Variants in MICAL3 observed in about 807,000 individuals in gnomAD.
The protein encoded by MICAL3 is [F-actin]-monooxygenase MICAL3.
MICAL3 carries 62 observed loss-of-function variants against 207.4 expected under a neutral mutation model. The observed-to-expected ratio is 0.30, with a 90% CI of 0.24 to 0.37. The LOEUF is 0.37. MICAL3 is among the 10% of genes least tolerant of loss of function. The probability of loss-of-function intolerance (pLI) is 1.00; values close to 1 mark genes in which losing one functional copy is unlikely to be tolerated. For synonymous variants in MICAL3, 1,077 were observed against 1,069.3 expected (o/e 1.01, Z -0.14); for missense variants, 2,368 against 2,635.6 (o/e 0.90, Z 2.22).
chr22:17,966,692 T>C lies in MICAL3; in HGVS notation c.-75+57589A>G, dbSNP rs561068328. On this transcript the variant is annotated intron_variant, in intron 1 of 31. Transcript: ENST00000441493. The stretch of plus-strand genomic sequence containing the variant: ...TAAAGACAGTACCAACTGTCTAGGG[T>C]ATTTCTAGGAAGTAAACGACAGAAT... Among the ~76,000 whole-genome samples, 3 of 152,250 alleles carry C rather than the reference T, an allele frequency of 2.0e-5. No individual in the cohort carries two copies. In the East Asian group the frequency reaches 5.8e-4, roughly 29 times the overall value.
intron 1 of MICAL3, among the ~76,000 whole-genome samples, chr22:17,958,425 G>A (rs568548822): frequency 1.0e-3 from 159 of 152,302 alleles, no homozygotes; most frequent in Non-Finnish European, 1.9e-3. Flanking sequence ...TGGGGTCACA[G>A]CTCAGCTCTG....
intron 27 of MICAL3, chr22:17,815,556 T>G (rs1005048717): frequency 1.1e-4 from 17 of 152,330 alleles, no homozygotes; most frequent in African/African-American, 4.1e-4. Context: ...GAAGCCTTGA[T>G]GAAGGCACAC....
chr22:17,979,050 T>C (rs1298404053), intron 1 of MICAL3, among the ~76,000 whole-genome samples: 2 of 150,434 alleles, frequency 1.3e-5, no homozygotes, highest in Admixed American at 6.6e-5. Context: ...GTGGTACACT[T>C]GTGGTCCCAG....
At chr22:17,879,245 AG>A in intron 16 of MICAL3, 1 of 964,100 alleles carries the variant, frequency 1.0e-6, no homozygotes, top group Non-Finnish European at 1.5e-6. Context: ...AAGCAAGGGG[AG>A]GGGGCCGTCC....
intron 1 of MICAL3, among the ~76,000 whole-genome samples, chr22:18,003,748 G>T (rs5992963): frequency 1.3e-5 from 2 of 151,744 alleles, no homozygotes; most frequent in African/African-American, 4.8e-5. Flanking sequence ...TTCCAATCAC[G>T]CAGGGAGTCT....
At position 17,900,562 on chromosome 22, in the gene MICAL3, A is replaced by G. The variant is rs1931236298; in HGVS notation, c.847+280T>C. On this transcript the variant is annotated intron_variant, in intron 6 of 31. Transcript: ENST00000441493. The surrounding 1 kb of genome is among the most constrained non-coding windows in gnomAD (Gnocchi z 4.0). Reference sequence around the variant, plus strand: ...GGCTGCAGTGAGCCGAGATCACGCCACTGAACTCCAGCCTGGGCAACAGAG... The same window carrying G: ...GGCTGCAGTGAGCCGAGATCACGCCGCTGAACTCCAGCCTGGGCAACAGAG... Among the ~76,000 whole-genome samples the G allele has an allele frequency of 6.6e-6, 1 of 152,224 alleles. No homozygotes were observed.
intron 25 of MICAL3, among the ~76,000 whole-genome samples, chr22:17,819,767 G>A (rs533131101): frequency 9.2e-5 from 14 of 151,526 alleles, no homozygotes; most frequent in African/African-American, 2.7e-4. Context: ...GTGAAATCCC[G>A]TCTCTACTAA....
chr22:17,898,497 C>T (rs898231314), intron 7 of MICAL3, among the ~76,000 whole-genome samples: 6 of 152,208 alleles, frequency 3.9e-5, no homozygotes, highest in Admixed American at 6.5e-5. Flanking sequence ...GCTCACTCCC[C>T]GCTCTGCTGT....
At chr22:17,875,631 G>T in intron 16 of MICAL3, 2 of 657,446 alleles carry the variant, frequency 3.0e-6, no homozygotes, top group Non-Finnish European at 4.8e-6. Flanking sequence ...CTGAACATAA[G>T]ATGGTTGTAG....
At chr22:17,947,626 T>C (rs187968702) in intron 1 of MICAL3, among the ~76,000 whole-genome samples, 14 of 152,374 alleles carry the variant, frequency 9.2e-5, no homozygotes, top group African/African-American at 7.2e-5. Context: ...GGTGCCATCA[T>C]AGCTCACTGT....
At chr22:17,877,625 A>G (rs1476322939) in intron 16 of MICAL3, among the ~76,000 whole-genome samples, 1 of 150,510 alleles carries the variant, frequency 6.6e-6, no homozygotes, top group East Asian at 1.9e-4. Context: ...GCAGAGTCCA[A>G]GAAAAGAACT....
At chr22:18,006,590 T>C (rs1226971877) in intron 1 of MICAL3, 1 of 152,150 alleles carries the variant, frequency 6.6e-6, no homozygotes, top group African/African-American at 2.4e-5. Context: ...TCTCAGCAGT[T>C]TGGGAGGTCG....
At chr22:17,922,351 T>C (rs1932820716) in intron 1 of MICAL3, among the ~76,000 whole-genome samples, 1 of 152,160 alleles carries the variant, frequency 6.6e-6, no homozygotes, top group Non-Finnish European at 1.5e-5. Flanking sequence ...GTCACAGAAC[T>C]ACACAAAAGG....
intron 1 of MICAL3, among the ~76,000 whole-genome samples, chr22:17,927,994 T>C (rs1350575062): frequency 6.6e-6 from 1 of 152,160 alleles, no homozygotes; most frequent in Non-Finnish European, 1.5e-5. Context: ...AATTAAAGGT[T>C]TGGCTTCTGA....
At chr22:17,807,697 C>T (rs2062002167) in intron 29 of MICAL3, among the ~76,000 whole-genome samples, 1 of 152,172 alleles carries the variant, frequency 6.6e-6, no homozygotes, top group African/African-American at 2.4e-5. Context: ...AACTTCAGTC[C>T]TACAGGCCAC....
At chr22:17,806,120 AG>A (rs1160383591) in intron 29 of MICAL3, among the ~76,000 whole-genome samples, 4 of 152,240 alleles carry the variant, frequency 2.6e-5, no homozygotes, top group Non-Finnish European at 5.9e-5. Flanking sequence ...TGGAGCCCTC[AG>A]GATCAAGTTT....
chr22:17,860,505 T>C, intron 19 of MICAL3: 3 of 985,484 alleles, frequency 3.0e-6, no homozygotes, highest in Non-Finnish European at 3.6e-6. Flanking sequence ...GTGAACCCCT[T>C]GGTGCCCTGC....
intron 15 of MICAL3, among the ~76,000 whole-genome samples, 164 bp downstream of exon 15, chr22:17,886,988 CAAAAAAAAAAAAAAAAAA>C (rs55999508): frequency 1.9e-4 from 8 of 41,350 alleles, no homozygotes; most frequent in South Asian, 2.6e-3. Context: ...ACTCTTGTCT[CAAAAAAAAAAAAAAAAAA>C]AAAAAAAAAA....
chr22:17,965,682 C>T (rs998022395), intron 1 of MICAL3, among the ~76,000 whole-genome samples: 1 of 152,226 alleles, frequency 6.6e-6, no homozygotes, highest in Non-Finnish European at 1.5e-5. Context: ...GACACCTGAT[C>T]CCAGGAAGCC....
Sources: gnomAD v4.1 joint callset for allele counts (sites outside exome capture counted in the v4.1 genomes callset) on GRCh38, gnomAD v4.1.1 for gene constraint, Gnocchi (gnomAD v3.1) non-coding constraint, MANE v1.5 for transcripts, NCBI Gene and HGNC (gene_info 2026-07-23, HGNC 2026-07-21) for gene names.